KHDRBS2: variants seen among roughly 807,000 people sequenced by gnomAD.
KHDRBS2 encodes the protein KH RNA binding domain containing, signal transduction associated 2, also known as KH domain-containing, RNA-binding, signal transduction-associated protein 2.
Under a neutral mutation model 44.3 loss-of-function variants are expected in KHDRBS2, and 26 were observed. The ratio of observed to expected loss-of-function variants is 0.59; its 90% CI spans 0.43 to 0.81. The LOEUF (loss-of-function observed/expected upper bound fraction) is 0.81, where lower values mean the gene tolerates loss of function less well. Ranked by LOEUF, KHDRBS2 falls within the 40% of genes least tolerant of loss-of-function variation. The probability of loss-of-function intolerance (pLI) is 0.00; values close to 1 mark genes in which losing one functional copy is unlikely to be tolerated. For missense variants in KHDRBS2, 476 were observed against 433.1 expected (o/e 1.10, Z -0.88); for synonymous variants, 194 against 151.1 (o/e 1.28, Z -2.08).
intron 1 of KHDRBS2, 94 bp from the exon 2 acceptor site, chr6:62,177,406 A>G: frequency 1.1e-6 from 1 of 932,862 alleles, no homozygotes; most frequent in Non-Finnish European, 1.6e-6. Context: ...TATTCATATT[A>G]CTCCTCTTCT....
intron 3 of KHDRBS2, among the ~76,000 whole-genome samples, chr6:62,012,434 T>A (rs978873024): frequency 2.0e-5 from 3 of 152,182 alleles, no homozygotes; most frequent in Non-Finnish European, 4.4e-5. Flanking sequence ...GAGAAAGCTG[T>A]GTTTTTAAAA....
the KHDRBS2 span, among the ~76,000 whole-genome samples, chr6:61,647,814 G>A: frequency 0.028 from 4,272 of 152,132 alleles, 199 homozygotes; most frequent in African/African-American, 0.097. Flanking sequence ...TTGCTATGAA[G>A]TACTTATTAA....
chr6:62,087,296 A>C (rs1332665424), intron 2 of KHDRBS2, among the ~76,000 whole-genome samples: 1 of 152,160 alleles, frequency 6.6e-6, no homozygotes, highest in Non-Finnish European at 1.5e-5. Flanking sequence ...AAAGACATTA[A>C]GAAAATTATA....
At chr6:62,252,007 C>A (rs1028142934) in intron 1 of KHDRBS2, among the ~76,000 whole-genome samples, 3 of 151,744 alleles carry the variant, frequency 2.0e-5, no homozygotes, top group African/African-American at 7.3e-5. Context: ...GAATGAATAG[C>A]TTCCCTAGGA....
the KHDRBS2 span, among the ~76,000 whole-genome samples, chr6:61,579,507 C>G: frequency 6.6e-6 from 1 of 152,074 alleles, no homozygotes; most frequent in Non-Finnish European, 1.5e-5. Flanking sequence ...TCATTGTTTA[C>G]TCAGTAATGC....
intron 1 of KHDRBS2, among the ~76,000 whole-genome samples, chr6:62,197,065 CAAA>C (rs1825857626): frequency 6.6e-6 from 1 of 152,000 alleles, no homozygotes; most frequent in Admixed American, 6.6e-5. Flanking sequence ...ATCACACTGA[CAAA>C]AGAAGTTTCA....
At chr6:62,012,293 T>C (rs1174518580) in intron 3 of KHDRBS2, among the ~76,000 whole-genome samples, 3 of 152,172 alleles carry the variant, frequency 2.0e-5, no homozygotes, top group African/African-American at 7.2e-5. Context: ...AATCATGCAC[T>C]TCTCTCTTTT....
intron 4 of KHDRBS2, among the ~76,000 whole-genome samples, chr6:61,932,112 T>C (rs575432672): frequency 5.0e-4 from 76 of 152,274 alleles, no homozygotes; most frequent in African/African-American, 1.7e-3. Context: ...TAGTAGGCTA[T>C]TTGTAGTTAA....
the KHDRBS2 span, among the ~76,000 whole-genome samples, chr6:61,639,023 T>TG: frequency 6.6e-6 from 1 of 152,142 alleles, no homozygotes; most frequent in African/African-American, 2.4e-5. Context: ...ATCTAGCTGT[T>TG]GGGCAAAATA....
At chr6:61,718,879 T>G (rs1265446074) in intron 7 of KHDRBS2, among the ~76,000 whole-genome samples, 1 of 152,148 alleles carries the variant, frequency 6.6e-6, no homozygotes, top group Admixed American at 6.6e-5. Flanking sequence ...ATTATCCTAA[T>G]TTAGGAGTCT....
chr6:62,017,050 A>G (rs550727132), intron 3 of KHDRBS2, among the ~76,000 whole-genome samples: 4 of 152,256 alleles, frequency 2.6e-5, no homozygotes, highest in Admixed American at 2.6e-4. Context: ...TTTTTCTCTC[A>G]TCTCACTTCC....
intron 1 of KHDRBS2, among the ~76,000 whole-genome samples, chr6:62,218,097 C>T (rs1025468089): frequency 2.6e-5 from 4 of 151,656 alleles, no homozygotes; most frequent in Non-Finnish European, 5.9e-5. Context: ...AAAGGGACTG[C>T]ACAGCATGTT....
At chr6:62,207,470 T>A (rs1198351370) in intron 1 of KHDRBS2, among the ~76,000 whole-genome samples, 4 of 152,102 alleles carry the variant, frequency 2.6e-5, no homozygotes, top group Admixed American at 2.6e-4. Context: ...GATACCTACT[T>A]AGCCCTGAAG....
chr6:61,910,903 T>C (rs774946474), intron 4 of KHDRBS2, among the ~76,000 whole-genome samples: 9 of 152,234 alleles, frequency 5.9e-5, no homozygotes, highest in Non-Finnish European at 1.3e-4. Context: ...CAAATTATTG[T>C]ACACATGATA....
At chr6:61,648,607 C>A in the KHDRBS2 span, among the ~76,000 whole-genome samples, 1 of 152,116 alleles carries the variant, frequency 6.6e-6, no homozygotes, top group South Asian at 2.1e-4. Flanking sequence ...GACAGACAAT[C>A]AGAGACTTTC....
the KHDRBS2 span, among the ~76,000 whole-genome samples, chr6:61,574,049 T>C: frequency 6.6e-6 from 1 of 152,122 alleles, no homozygotes; most frequent in Non-Finnish European, 1.5e-5. Context: ...GGACACCCTA[T>C]TCAACAAATG....
chr6:61,971,797 C>T (rs1674333172), intron 4 of KHDRBS2, among the ~76,000 whole-genome samples: 1 of 152,114 alleles, frequency 6.6e-6, no homozygotes. Flanking sequence ...TTGCCACCAT[C>T]CTTCCTTAAA....
intron 1 of KHDRBS2, among the ~76,000 whole-genome samples, chr6:62,215,839 A>T (rs1036004971): frequency 4.6e-5 from 7 of 151,706 alleles, no homozygotes; most frequent in Non-Finnish European, 1.0e-4. Context: ...AACAGGTATT[A>T]CCTTCATTAA....
chr6:61,547,958 T>A, the KHDRBS2 span, among the ~76,000 whole-genome samples: 2 of 152,138 alleles, frequency 1.3e-5, no homozygotes, highest in Non-Finnish European at 2.9e-5. Context: ...TTTAACACTT[T>A]ACTAATTTAG....
Sources: allele counts gnomAD v4.1 joint callset (sites outside exome capture counted in the v4.1 genomes callset), GRCh38; gene constraint gnomAD v4.1.1; transcripts MANE v1.5; gene names NCBI Gene and HGNC (gene_info 2026-07-23, HGNC 2026-07-21).